The following TAFA5 variants were observed in gnomAD, a reference collection of about 807,000 sequenced individuals.
TAFA5 encodes TAFA chemokine like family member 5.
A neutral mutation model predicts 15.3 loss-of-function variants in TAFA5; 6 were observed. The ratio of observed to expected loss-of-function variants is 0.39; its 90% CI spans 0.21 to 0.77. TAFA5 has a LOEUF of 0.77. Ranked by LOEUF, TAFA5 falls within the 30% of genes least tolerant of loss-of-function variation. The pLI is 0.41. For synonymous variants in TAFA5, 103 were observed against 80.7 expected, an observed-to-expected ratio of 1.28 and a Z score of -1.48; for missense variants, 161 against 193.1, an observed-to-expected ratio of 0.83 and a Z score of 0.98.
intron 3 of TAFA5, among the ~76,000 whole-genome samples, chr22:48,712,726 A>G (rs6010599): frequency 0.04 from 6,093 of 152,172 alleles, 432 homozygotes; most frequent in African/African-American, 0.14. Flanking sequence ...GGTGTGAGCA[A>G]CGCTCCTTCT....
chr22:48,655,193 G>C (rs1196403838), intron 2 of TAFA5, among the ~76,000 whole-genome samples: 1 of 152,174 alleles, frequency 6.6e-6, no homozygotes, highest in African/African-American at 2.4e-5. Flanking sequence ...AGACCCCCTG[G>C]CTGCTCCTGG....
chr22:48,548,148 G>C (rs1313307244), intron 1 of TAFA5, among the ~76,000 whole-genome samples: 1 of 152,224 alleles, frequency 6.6e-6, no homozygotes, highest in Admixed American at 6.5e-5. Context: ...GCCTGATGGG[G>C]ATCTGGCCCC....
chr22:48,593,240 G>A (rs766045591), intron 1 of TAFA5, among the ~76,000 whole-genome samples: 24 of 152,202 alleles, frequency 1.6e-4, no homozygotes, highest in Non-Finnish European at 2.6e-4. Context: ...TGTATAAAGC[G>A]GAGCATTGGA....
At chr22:48,594,191 C>A (rs1924676926) in intron 1 of TAFA5, among the ~76,000 whole-genome samples, 1 of 152,154 alleles carries the variant, frequency 6.6e-6, no homozygotes, top group Non-Finnish European at 1.5e-5. Flanking sequence ...TGCTCTTGGC[C>A]AGTGGAACTG....
At chr22:48,577,601 A>T (rs373859491) in intron 1 of TAFA5, among the ~76,000 whole-genome samples, 6 of 152,324 alleles carry the variant, frequency 3.9e-5, no homozygotes, top group African/African-American at 1.4e-4. Context: ...GTTCCTGCAG[A>T]GGAAGGGCTT....
chr22:48,587,217 A>G (rs959351066), intron 1 of TAFA5, among the ~76,000 whole-genome samples: 1 of 152,136 alleles, frequency 6.6e-6, no homozygotes. Flanking sequence ...ACGGTTTCCC[A>G]TGCATTCCGG....
intron 2 of TAFA5, among the ~76,000 whole-genome samples, chr22:48,654,462 A>T (rs5771894): frequency 0.62 from 94,690 of 152,020 alleles, 30,255 homozygotes; most frequent in East Asian, 0.89. Flanking sequence ...TCCCATGAGG[A>T]TGGGGACAGC....
At chr22:48,527,963 A>G (rs4823800) in intron 1 of TAFA5, among the ~76,000 whole-genome samples, 1 of 152,108 alleles carries the variant, frequency 6.6e-6, no homozygotes, top group South Asian at 2.1e-4. Flanking sequence ...ATGCACTTTT[A>G]CTACTTGTTC....
chr22:48,540,251 G>A (rs556790673), intron 1 of TAFA5, among the ~76,000 whole-genome samples: 1 of 152,244 alleles, frequency 6.6e-6, no homozygotes, highest in Admixed American at 6.5e-5. Flanking sequence ...GTGCAGGTGG[G>A]AAATAGAAGG....
At chr22:48,702,126 TGA>T (rs921661636) in intron 2 of TAFA5, among the ~76,000 whole-genome samples, 38 of 65,488 alleles carry the variant, frequency 5.8e-4, no homozygotes, top group African/African-American at 2.6e-3. Flanking sequence ...GACTTGTGTG[TGA>T]GTGTGTGTGT....
chr22:48,579,695 GACTCCAGC>G (rs1170371065), intron 1 of TAFA5, among the ~76,000 whole-genome samples: 2 of 152,186 alleles, frequency 1.3e-5, no homozygotes, highest in East Asian at 3.9e-4. Context: ...GAGTCACTTG[GACTCCAGC>G]ACTCCAGCAC....
chr22:48,676,464 C>T (rs1251075321), intron 2 of TAFA5, among the ~76,000 whole-genome samples: 1 of 152,228 alleles, frequency 6.6e-6, no homozygotes, highest in Non-Finnish European at 1.5e-5. Flanking sequence ...GGCTCCCGCT[C>T]AGAGGCGCAG....
At chr22:48,704,189 AAC>A (rs71194377) in intron 2 of TAFA5, among the ~76,000 whole-genome samples, 2 of 141,026 alleles carry the variant, frequency 1.4e-5, no homozygotes, top group East Asian at 4.0e-4. Context: ...ACACACCCTC[AAC>A]ACACACGCGC....
rs866956350 is a variant in TAFA5 at position 48,587,128 on chromosome 22, C to T, written c.113-59469C>T. The stretch of plus-strand genomic sequence containing the variant: ...TTCATGCTTTGGGTGTGGAAGCCGT[C>T]GTCAGCTGAGAGTGTTCTGTGGGTG... On this transcript the variant is annotated intron_variant, in intron 1 of 3. Coordinates refer to ENST00000402357, the MANE Select transcript of TAFA5 (RefSeq NM_001082967.3). Among the ~76,000 whole-genome samples the T allele has an allele frequency of 1.3e-4, 20 of 152,340 alleles. No individual in the cohort carries two copies. The Middle Eastern group carries it at 0.014, about 104-fold the overall frequency.
intron 1 of TAFA5, among the ~76,000 whole-genome samples, chr22:48,506,196 C>G (rs1340533575): frequency 6.6e-6 from 1 of 151,188 alleles, no homozygotes; most frequent in Non-Finnish European, 1.5e-5. Flanking sequence ...ACTTGTTCAC[C>G]CCTGGTCTCC....
intron 2 of TAFA5, among the ~76,000 whole-genome samples, chr22:48,682,161 G>A (rs59637760): frequency 0.02 from 3,039 of 152,256 alleles, 121 homozygotes; most frequent in African/African-American, 0.068. Flanking sequence ...CCTGCTCCAG[G>A]TTGTGGCCAG....
At chr22:48,657,653 C>G (rs369981780) in intron 2 of TAFA5, among the ~76,000 whole-genome samples, 2 of 152,164 alleles carry the variant, frequency 1.3e-5, no homozygotes, top group Non-Finnish European at 2.9e-5. Context: ...CCCTGAGGCA[C>G]GTGTCTCTCC....
intron 1 of TAFA5, among the ~76,000 whole-genome samples, chr22:48,582,269 C>T (rs942921536): frequency 6.6e-6 from 1 of 151,954 alleles, no homozygotes; most frequent in Non-Finnish European, 1.5e-5. Context: ...ATACTGCACA[C>T]ACTACACACC....
At position 48,551,337 on chromosome 22, in the gene TAFA5, C is replaced by G. The variant is rs1439530035; in HGVS notation, c.112+61633C>G. Among the ~76,000 whole-genome samples the G allele has an allele frequency of 2.6e-5, 4 of 152,240 alleles. No homozygotes were observed. In the East Asian group the frequency reaches 7.8e-4, roughly 30 times the overall value. ...GGGCGGCTCGGCTCTGACCCAGACGCCTGGCATAGTCTTGGCAGGTGCCAG... is the reference window on the plus strand; with the variant it reads ...GGGCGGCTCGGCTCTGACCCAGACGGCTGGCATAGTCTTGGCAGGTGCCAG... On this transcript the variant is annotated intron_variant, in intron 1 of 3. Coordinates refer to ENST00000402357, the MANE Select transcript of TAFA5 (RefSeq NM_001082967.3).
Sources: gnomAD v4.1 joint callset for allele counts (sites outside exome capture counted in the v4.1 genomes callset) on GRCh38, gnomAD v4.1.1 for gene constraint, MANE v1.5 for transcripts, NCBI Gene and HGNC (gene_info 2026-07-23, HGNC 2026-07-21) for gene names.